GRM6: variants seen among roughly 807,000 people sequenced by gnomAD.
GRM6 encodes glutamate metabotropic receptor 6.
In GRM6, 73 loss-of-function variants were observed where a neutral mutation model predicts 78.4. That is an observed-to-expected ratio of 0.93 (90% CI 0.77 to 1.13). The LOEUF is 1.13. Among genes scored for constraint, GRM6 ranks in the 50% most tolerant of loss-of-function variants. The pLI is 0.00. For missense variants in GRM6, 1,251 were observed against 1,256.4 expected (o/e 1.00, Z 0.07); for synonymous variants, 580 against 555.0 (o/e 1.05, Z -0.63).
At chr5:178,990,321 A>G (rs1295523197) in intron 5 of GRM6, among the ~76,000 whole-genome samples, 2 of 152,236 alleles carry the variant, frequency 1.3e-5, no homozygotes, top group African/African-American at 2.4e-5. Context: ...CTTTGGCAGC[A>G]CTAGAAATAC....
At chr5:178,986,049 A>G in intron 9 of GRM6, 81 bp downstream of exon 9, 1 of 1,326,482 alleles carries the variant, frequency 7.5e-7, no homozygotes, top group Non-Finnish European at 1.0e-6. Flanking sequence ...GGCGTGTGCC[A>G]CTGTGCCTGG....
intron 10 of GRM6, among the ~76,000 whole-genome samples, chr5:178,982,275 G>A (rs1429325483): frequency 6.6e-6 from 1 of 152,156 alleles, no homozygotes; most frequent in Non-Finnish European, 1.5e-5. Flanking sequence ...TTAATGGGTT[G>A]GCAGTTATAA....
rs187237525 is a variant in GRM6, at chr5:178,985,448, C to A, written c.2124+682G>T. Among the ~76,000 whole-genome samples the A allele has an allele frequency of 8.0e-3, 1,217 of 151,262 alleles. 15 individuals are homozygous for A. Among genetic ancestry groups the A allele is most frequent in the South Asian group, 0.012 (59 of 4,774 alleles). Reference sequence around the variant, plus strand: ...ACTGGGCGCAGCGGCTCCCGCCTGTCATCCCAGCACTTTGGGAGGCCGAGG... The same window carrying A: ...ACTGGGCGCAGCGGCTCCCGCCTGTAATCCCAGCACTTTGGGAGGCCGAGG... On this transcript the variant is annotated intron_variant, in intron 9 of 10. Transcript: ENST00000517717.
Position 178,983,198 on chromosome 5 carries a change from C to G in GRM6, c.2148G>C (p.Leu716=), listed in dbSNP as rs1760440108. ...SLQVVGMIAW[L]GARPPHSVID... ...TCACGCTGTGTGGGGGCCGGGCCCC[C>G]AGCCATGCTATCATCCCCACCACCT... The change falls in exon 10 of 11, where the codon CTG becomes CTC. Residue 716 remains leucine, a synonymous_variant. Transcript: ENST00000517717. 6.2e-7 allele frequency: 1 copy of G among 1,612,874 alleles called. No individual in the cohort carries two copies. The highest frequency in any genetic ancestry group is 2.2e-5 in the East Asian group (1 of 44,856).
intron 7 of GRM6, chr5:178,987,390 C>T (rs768778723): frequency 3.7e-5 from 17 of 462,674 alleles, no homozygotes; most frequent in Non-Finnish European, 6.5e-5. Flanking sequence ...TTCACATAGC[C>T]ACAAGATGAA....
chr5:178,988,918 G>A lies in GRM6; in HGVS notation c.1354+17C>T. 1 of 1,601,292 alleles carries A rather than the reference G, an allele frequency of 6.2e-7. No individual in the cohort carries two copies. Among genetic ancestry groups the A allele is most frequent in the Non-Finnish European group, 8.5e-7 (1 of 1,170,458 alleles). Reference sequence around the variant, plus strand: ...CAGCTGTCCTTCACTGCTGCAGGGGGGCAGGCACCCACTCACCATTGAAGC... The same window carrying A: ...CAGCTGTCCTTCACTGCTGCAGGGGAGCAGGCACCCACTCACCATTGAAGC... On this transcript the variant is annotated intron_variant, in intron 7 of 10. Transcript: ENST00000517717. The surrounding 1 kb of genome is among the most constrained non-coding windows in gnomAD (Gnocchi z 6.0).
intron 9 of GRM6, chr5:178,985,833 C>T (rs1226653347): frequency 7.5e-6 from 4 of 535,896 alleles, no homozygotes; most frequent in Non-Finnish European, 1.4e-5. Context: ...GCGATCTTGG[C>T]TCACAGCAAC....
At position 178,988,797 on chromosome 5, in the gene GRM6, G is replaced by T; in HGVS notation, c.1354+138C>A. The stretch of plus-strand genomic sequence containing the variant: ...GGACCGGAACTTGTCTCATGTCTTT[G>T]GCACTCAGCCCCAGGCACCCCCATT... On this transcript the variant is annotated intron_variant, in intron 7 of 10. Coordinates refer to ENST00000517717, the MANE Select transcript of GRM6 (RefSeq NM_000843.4). This position sits in a 1 kb window ranked among gnomAD's most constrained non-coding sequence, Gnocchi z 6.0. The T allele has an allele frequency of 1.5e-6, 1 of 683,658 alleles. No individual in the cohort carries two copies. Among genetic ancestry groups the T allele is most frequent in the Non-Finnish European group, 2.6e-6 (1 of 382,884 alleles). 42.3% of individuals were successfully genotyped at this position (683,658 alleles called of 1,614,324 possible). A position where few individuals can be genotyped will look rare whatever the true frequency, so the allele number is the denominator to read the frequency against.
At chr5:178,984,292 A>T (rs549306476) in intron 9 of GRM6, among the ~76,000 whole-genome samples, 1,255 of 40,154 alleles carry the variant, frequency 0.031, 14 homozygotes, top group African/African-American at 0.049. Context: ...GCGAGCGAGC[A>T]CGCCTCACTC....
At position 178,986,408 on chromosome 5, in the gene GRM6, C is replaced by A; in HGVS notation, c.1846G>T (p.Val616Phe). The A allele has an allele frequency of 1.2e-6, 2 of 1,613,796 alleles. No homozygotes were observed. The highest frequency in any genetic ancestry group is 1.7e-6 in the Non-Finnish European group (2 of 1,180,000). Residue 616 changes from valine (V) to phenylalanine (F), a missense_variant, in exon 9 of 11, where the codon GTC becomes TTC. By Grantham distance (50) the Val-to-Phe change is conservative. Transcript: ENST00000517717. ...TFVRYNNTPI[V>F]RASGRELSYV... ...CTGAGCTCTCGGCCCGAGGCCCGGA[C>A]GATGGGCGTGTTGTTGTACCGCACG...
chr5:178,986,160 C>G lies in GRM6; in HGVS notation c.2094G>C (p.Leu698=). ...PPPFISPTSQ[L]VITFSLTSLQ... Reference sequence around the variant, plus strand: ...GGGAGGTGAGGCTGAAGGTGATGACCAGCTGTGAGGTGGGGCTGATGAAGG... The same window carrying G: ...GGGAGGTGAGGCTGAAGGTGATGACGAGCTGTGAGGTGGGGCTGATGAAGG... The change falls in exon 9 of 11, where the codon CTG becomes CTC. Residue 698 remains leucine, a synonymous_variant. Transcript: ENST00000517717. The G allele has an allele frequency of 6.2e-6, 10 of 1,613,840 alleles. No homozygotes were observed. Among genetic ancestry groups the G allele is most frequent in the Non-Finnish European group, 8.5e-6 (10 of 1,179,832 alleles).
At position 178,991,290 on chromosome 5, in the gene GRM6, A is replaced by C; in HGVS notation, c.857+134T>G. 1 of 876,964 alleles carries C rather than the reference A, an allele frequency of 1.1e-6. No homozygotes were observed. 54.3% of individuals were successfully genotyped at this position (876,964 alleles called of 1,614,324 possible). On this transcript the variant is annotated intron_variant, in intron 4 of 10. Coordinates refer to ENST00000517717, the MANE Select transcript of GRM6 (RefSeq NM_000843.4). This position sits in a 1 kb window ranked among gnomAD's most constrained non-coding sequence, Gnocchi z 5.0. Reference sequence around the variant, plus strand: ...CCTGGGCACCAGACTCAGAGGCAGCAGCAGGGAAGGTGGGGGGTGCGGGGA... The same window carrying C: ...CCTGGGCACCAGACTCAGAGGCAGCCGCAGGGAAGGTGGGGGGTGCGGGGA...
Position 178,980,155 on chromosome 5 carries a change from T to G in GRM6, c.*1502A>C, listed in dbSNP as rs757195055. ...CCAACTGCGCACCAGAGAAGCTGCATGGGAAAGTTTGTATGTTGGATAAAG... is the reference window on the plus strand; with the variant it reads ...CCAACTGCGCACCAGAGAAGCTGCAGGGGAAAGTTTGTATGTTGGATAAAG... On this transcript the variant is annotated 3_prime_UTR_variant, in exon 11 of 11. Coordinates refer to ENST00000517717, the MANE Select transcript of GRM6 (RefSeq NM_000843.4). This position sits in a 1 kb window ranked among gnomAD's most constrained non-coding sequence, Gnocchi z 4.3. 1.9e-5 allele frequency: 3 copies of G among 154,310 alleles called. No individual in the cohort carries two copies. The highest frequency in any genetic ancestry group is 4.4e-5 in the Non-Finnish European group (3 of 68,190). The allele number at this position is 154,310 out of a possible 1,614,324, so 9.6% of individuals were successfully genotyped here.
chr5:178,985,656 T>C (rs1363622157), intron 9 of GRM6: 1 of 387,694 alleles, frequency 2.6e-6, no homozygotes, highest in Non-Finnish European at 5.0e-6. Context: ...GGAGCTGAGA[T>C]AGTGCCACTG....
In GRM6 at chr5:178,981,798, G is replaced by A. The variant is rs768852907; in HGVS notation, c.2493C>T (p.Ser831=). The change falls in exon 11 of 11, where the codon TCC becomes TCT. Residue 831 remains serine, a synonymous_variant. Coordinates refer to ENST00000517717, the MANE Select transcript of GRM6 (RefSeq NM_000843.4). The surrounding 1 kb of genome is among the most constrained non-coding windows in gnomAD (Gnocchi z 5.1). The stretch of plus-strand genomic sequence containing the variant: ...TTTTGGGTACGTAGAGCATGCCGAG[G>A]GACACCGAGGCACTCAGGCTCAAGG... ...TVSLSLSASV[S]LGMLYVPKTY... 4 of 1,613,004 alleles carry A rather than the reference G, an allele frequency of 2.5e-6. No homozygotes were observed. Among genetic ancestry groups the A allele is most frequent in the South Asian group, 1.1e-5 (1 of 91,056 alleles).
In GRM6 at chr5:178,982,976, G is replaced by A. The variant is rs1760429344; in HGVS notation, c.2370C>T (p.Tyr790=). 9 of 1,614,200 alleles carry A rather than the reference G, an allele frequency of 5.6e-6. No individual in the cohort carries two copies. Among genetic ancestry groups the A allele is most frequent in the Admixed American group, 1.7e-5 (1 of 60,034 alleles). ...ATGCCAGCCAGATGATGCAGGTGGTGTACATGGTGAAGCCGATGGGCTTGG... is the reference window on the plus strand; with the variant it reads ...ATGCCAGCCAGATGATGCAGGTGGTATACATGGTGAAGCCGATGGGCTTGG... ...NEAKPIGFTM[Y]TTCIIWLAFV... is the part of the protein sequence containing the mutation. The change falls in exon 10 of 11, where the codon TAC becomes TAT. Residue 790 remains tyrosine, a synonymous_variant. Coordinates refer to ENST00000517717, the MANE Select transcript of GRM6 (RefSeq NM_000843.4).
chr5:178,994,504 G>T lies in GRM6; in HGVS notation c.441C>A (p.Ala147=). The change falls in exon 2 of 11, where the codon GCC becomes GCA. Residue 147 remains alanine, a synonymous_variant. Coordinates refer to ENST00000517717, the MANE Select transcript of GRM6 (RefSeq NM_000843.4). ...LRPAPPERVV[A]VVGASASSVS... ...CGGAGCTGGCCGAGGCGCCCACGACGGCCACGACGCGCTCGGGGGGCGCGG... is the reference window on the plus strand; with the variant it reads ...CGGAGCTGGCCGAGGCGCCCACGACTGCCACGACGCGCTCGGGGGGCGCGG... 7.0e-7 allele frequency: 1 copy of T among 1,432,318 alleles called. No individual in the cohort carries two copies. Among genetic ancestry groups the T allele is most frequent in the Non-Finnish European group, 9.1e-7 (1 of 1,097,514 alleles). The allele number at this position is 1,432,318 out of a possible 1,614,324, so 88.7% of individuals were successfully genotyped here. A position where few individuals can be genotyped will look rare whatever the true frequency, so the allele number is the denominator to read the frequency against.
At position 178,991,501 on chromosome 5, in the gene GRM6, G is replaced by T. The variant is rs201450433; in HGVS notation, c.780C>A (p.Phe260Leu). ...CCATGAGTCTCCTGATCACCTTGCT[G>T]AACTCTCCTGGCTTTGGTTCCCTGG... Reference protein sequence around the residue: ...KIPREPKPGEFSKVIRRLMET... With the variant: ...KIPREPKPGELSKVIRRLMET... Residue 260 changes from phenylalanine (F) to leucine (L), a missense_variant, in exon 4 of 11, where the codon TTC becomes TTA. By Grantham distance (22) the Phe-to-Leu change is conservative. Coordinates refer to ENST00000517717, the MANE Select transcript of GRM6 (RefSeq NM_000843.4). The surrounding 1 kb of genome is among the most constrained non-coding windows in gnomAD (Gnocchi z 5.0). 1.2e-6 allele frequency: 2 copies of T among 1,613,514 alleles called. No individual in the cohort carries two copies. Among genetic ancestry groups the T allele is most frequent in the Non-Finnish European group, 1.7e-6 (2 of 1,179,588 alleles).
rs777500313 is a variant in GRM6 at position 178,986,868 on chromosome 5, C to T, written c.1470G>A (p.Val490=). The change falls in exon 8 of 11, where the codon GTG becomes GTA. Residue 490 remains valine (V), a synonymous_variant. Transcript: ENST00000517717. ...GTCTGAGGGTCTCTGCCCACTGGCCCACTGCCTGGTACCCGCCACTGCTGG... is the reference window on the plus strand; with the variant it reads ...GTCTGAGGGTCTCTGCCCACTGGCCTACTGCCTGGTACCCGCCACTGCTGG... The part of the protein sequence containing the change: ...GSASSGGYQA[V]GQWAETLRLD... The T allele has an allele frequency of 1.2e-6, 2 of 1,613,994 alleles. No individual in the cohort carries two copies. Among genetic ancestry groups the T allele is most frequent in the African/African-American group, 2.7e-5 (2 of 74,962 alleles).
Sources: allele counts gnomAD v4.1 joint callset (sites outside exome capture counted in the v4.1 genomes callset), GRCh38; gene constraint gnomAD v4.1.1; non-coding constraint Gnocchi (gnomAD v3.1); transcripts MANE v1.5; gene names NCBI Gene and HGNC (gene_info 2026-07-23, HGNC 2026-07-21).